The following C13orf42 variants were observed in gnomAD, a reference collection of about 807,000 sequenced individuals.
The protein encoded by C13orf42 is chromosome 13 open reading frame 42, also known as uncharacterized protein C13orf42.
At chr13:51,095,102 CT>C (rs1412486666) in intron 1 of C13orf42, among the ~76,000 whole-genome samples, 2 of 152,182 alleles carry the variant, frequency 1.3e-5, no homozygotes, top group Non-Finnish European at 2.9e-5. Flanking sequence ...CATTAAACCT[CT>C]TTCTTTTATA....
upstream of C13orf42, among the ~76,000 whole-genome samples, chr13:51,111,829 C>T (rs1005709776): frequency 1.3e-5 from 2 of 152,006 alleles, no homozygotes; most frequent in Admixed American, 1.3e-4. Flanking sequence ...CAGATCCCCC[C>T]GATAAGCTGG....
chr13:51,130,130 A>G (rs1953605205), intron 1 of C13orf42, among the ~76,000 whole-genome samples: 1 of 152,248 alleles, frequency 6.6e-6, no homozygotes, highest in Non-Finnish European at 1.5e-5. Flanking sequence ...AAAAAGTGTA[A>G]TGCCTTTTAG....
chr13:51,134,695 C>T (rs1362160125), intron 1 of C13orf42, among the ~76,000 whole-genome samples: 3 of 152,210 alleles, frequency 2.0e-5, no homozygotes, highest in African/African-American at 2.4e-5. Context: ...ACATTCTCTA[C>T]CCCAGAGCAA....
chr13:51,128,857 G>A (rs977480354), intron 1 of C13orf42, among the ~76,000 whole-genome samples: 4 of 152,166 alleles, frequency 2.6e-5, no homozygotes, highest in Admixed American at 1.3e-4. Flanking sequence ...TAACTGAAGA[G>A]ACTGAAGGCA....
intron 1 of C13orf42, among the ~76,000 whole-genome samples, chr13:51,163,907 A>G (rs147695353): frequency 2.9e-4 from 44 of 152,284 alleles, no homozygotes; most frequent in African/African-American, 9.6e-4. Context: ...GAATAGAGTC[A>G]TAAGAACAGG....
Position 51,166,709 on chromosome 13 carries a change from A to T in C13orf42, n.136+5544T>A, listed in dbSNP as rs1205044403. Among the ~76,000 whole-genome samples, 5 of 152,254 alleles carry T rather than the reference A, an allele frequency of 3.3e-5. No individual in the cohort carries two copies. In the East Asian group the frequency reaches 5.8e-4, roughly 18 times the overall value. ...CAAATTTACAATCTCAAGGTTGTCT[A>T]AAAAATCAGGGATGACTTTAAGCTT... On this transcript the variant is annotated intron_variant and non_coding_transcript_variant, in intron 1 of 4. Transcript: ENST00000433280.
chr13:51,117,629 G>A (rs372955328), intron 1 of C13orf42, among the ~76,000 whole-genome samples: 15 of 150,232 alleles, frequency 1.0e-4, no homozygotes, highest in African/African-American at 3.2e-4. Flanking sequence ...AAATATCTGC[G>A]GTCCAGTATT....
intron 1 of C13orf42, among the ~76,000 whole-genome samples, chr13:51,105,587 A>G (rs1593535130): frequency 6.6e-6 from 1 of 152,214 alleles, no homozygotes; most frequent in African/African-American, 2.4e-5. Context: ...TTCTCAGATC[A>G]TCAGAATTTT....
intron 1 of C13orf42, among the ~76,000 whole-genome samples, chr13:51,133,299 G>A (rs772755465): frequency 5.3e-5 from 8 of 152,146 alleles, no homozygotes; most frequent in Non-Finnish European, 2.9e-5. Context: ...AATAGAATGT[G>A]GTTACCAAGA....
intron 1 of C13orf42, among the ~76,000 whole-genome samples, chr13:51,137,844 T>C (rs550363720): frequency 6.6e-6 from 1 of 152,342 alleles, no homozygotes; most frequent in South Asian, 2.1e-4. Flanking sequence ...CATATGTATA[T>C]ATGCCTTCTC....
chr13:51,136,445 A>G (rs1953658406), intron 1 of C13orf42, among the ~76,000 whole-genome samples: 1 of 152,180 alleles, frequency 6.6e-6, no homozygotes, highest in Non-Finnish European at 1.5e-5. Flanking sequence ...AGCAAATCAG[A>G]TTCTGAGTCT....
intron 1 of C13orf42, among the ~76,000 whole-genome samples, chr13:51,139,467 T>G (rs748376123): frequency 1.3e-5 from 2 of 152,156 alleles, no homozygotes; most frequent in Non-Finnish European, 2.9e-5. Context: ...CAACTCCATC[T>G]TGAATAGGAG....
intron 3 of C13orf42, among the ~76,000 whole-genome samples, chr13:51,085,089 A>G (rs1953107352): frequency 6.6e-6 from 1 of 152,018 alleles, no homozygotes; most frequent in African/African-American, 2.4e-5. Context: ...AGGCAGACCC[A>G]GGAAGAAGCA....
chr13:51,168,709 C>A (rs1235482655), intron 1 of C13orf42, among the ~76,000 whole-genome samples: 1 of 152,202 alleles, frequency 6.6e-6, no homozygotes, highest in African/African-American at 2.4e-5. Flanking sequence ...CTGTCCCCAC[C>A]CAAATCCCAC....
chr13:51,147,753 T>C (rs556523881), intron 1 of C13orf42, among the ~76,000 whole-genome samples: 36 of 69,184 alleles, frequency 5.2e-4, no homozygotes, highest in African/African-American at 2.0e-3. Flanking sequence ...AAGGGGTGGA[T>C]TTGGTCCAGG....
chr13:51,164,716 AT>A (rs1382757791), intron 1 of C13orf42, among the ~76,000 whole-genome samples: 6 of 152,252 alleles, frequency 3.9e-5, no homozygotes, highest in African/African-American at 1.4e-4. Flanking sequence ...CCATGAAATT[AT>A]TTAGAACCTA....
intron 1 of C13orf42, among the ~76,000 whole-genome samples, chr13:51,167,078 CA>C (rs151262051): frequency 3.4e-5 from 5 of 144,988 alleles, no homozygotes; most frequent in Admixed American, 6.9e-5. Flanking sequence ...GACCCCATCT[CA>C]AAAAAAAAAC....
intron 1 of C13orf42, among the ~76,000 whole-genome samples, chr13:51,171,427 T>A (rs1252784418): frequency 6.6e-6 from 1 of 152,038 alleles, no homozygotes; most frequent in East Asian, 1.9e-4. Context: ...GTGCAACTCG[T>A]CCCAAATCTT....
At chr13:51,152,226 C>T (rs771565588) in intron 1 of C13orf42, among the ~76,000 whole-genome samples, 1 of 152,256 alleles carries the variant, frequency 6.6e-6, no homozygotes, top group Non-Finnish European at 1.5e-5. Flanking sequence ...CACTCCAGCT[C>T]TGTGTCGTTT....
Sources: gnomAD v4.1 joint callset for allele counts (sites outside exome capture counted in the v4.1 genomes callset) on GRCh38, gnomAD v4.1.1 for gene constraint, MANE v1.5 for transcripts, NCBI Gene and HGNC (gene_info 2026-07-23, HGNC 2026-07-21) for gene names.